Variants in ACTR3C observed in about 807,000 individuals in gnomAD.
The protein encoded by ACTR3C is actin related protein 3C, also known as actin-related protein 3C.
ACTR3C carries 18 observed loss-of-function variants against 26.3 expected under a neutral mutation model. The observed-to-expected ratio is 0.68, with a 90% CI of 0.47 to 1.01. The LOEUF (loss-of-function observed/expected upper bound fraction) is 1.01, where lower values mean the gene tolerates loss of function less well. Ranked by LOEUF, ACTR3C falls within the 50% of genes least tolerant of loss-of-function variation. The probability of loss-of-function intolerance (pLI) is 0.00; values close to 1 mark genes in which losing one functional copy is unlikely to be tolerated. For synonymous variants in ACTR3C, 55 were observed against 94.5 expected (o/e 0.58, Z 2.42); for missense variants, 184 against 250.7 (o/e 0.73, Z 1.80).
the ACTR3C span, among the ~76,000 whole-genome samples, chr7:150,024,667 G>C: frequency 7.0e-6 from 1 of 143,190 alleles, no homozygotes; most frequent in South Asian, 2.5e-4. Context: ...CCCTTGGTGT[G>C]CAATGAAAAA....
At chr7:150,157,058 A>G in the ACTR3C span, among the ~76,000 whole-genome samples, 4 of 147,162 alleles carry the variant, frequency 2.7e-5, no homozygotes. Flanking sequence ...TCTGAAATAC[A>G]AAAAACACGT....
chr7:150,037,040 G>T, the ACTR3C span, among the ~76,000 whole-genome samples: 13 of 108,398 alleles, frequency 1.2e-4, no homozygotes, highest in African/African-American at 3.6e-4. Context: ...CGGAAGAGGG[G>T]ATAGCTCTCA....
intron 7 of ACTR3C, chr7:150,248,525 G>A (rs1294532806): frequency 1.3e-5 from 2 of 152,394 alleles, no homozygotes; most frequent in Non-Finnish European, 2.9e-5. Context: ...GCTGGGTGTG[G>A]TGGCGCATGT....
chr7:149,929,603 C>T, the ACTR3C span, among the ~76,000 whole-genome samples: 2 of 147,828 alleles, frequency 1.4e-5, no homozygotes, highest in Non-Finnish European at 3.0e-5. Context: ...CCGATCTCGG[C>T]TCACTGCAAC....
chr7:149,902,927 C>T, the ACTR3C span, among the ~76,000 whole-genome samples: 19,691 of 30,312 alleles, frequency 0.65, 7,377 homozygotes, highest in East Asian at 0.91. Context: ...CCTTAAAGTA[C>T]AGTGTCTCAA....
the ACTR3C span, among the ~76,000 whole-genome samples, chr7:149,908,242 G>C: frequency 6.6e-6 from 1 of 152,172 alleles, no homozygotes; most frequent in South Asian, 2.1e-4. Context: ...CCAACCTCCA[G>C]ACTATGATAA....
the ACTR3C span, among the ~76,000 whole-genome samples, chr7:150,038,874 C>G: frequency 8.4e-6 from 1 of 118,480 alleles, no homozygotes. Flanking sequence ...TCAGTCCCTG[C>G]CTCGCGGGGG....
chr7:149,900,553 G>A, the ACTR3C span, among the ~76,000 whole-genome samples: 1 of 151,940 alleles, frequency 6.6e-6, no homozygotes, highest in Non-Finnish European at 1.5e-5. Flanking sequence ...GAAAAGAAAT[G>A]ATAAAAGAAG....
At chr7:149,940,723 G>T in the ACTR3C span, among the ~76,000 whole-genome samples, 1 of 136,208 alleles carries the variant, frequency 7.3e-6, no homozygotes, top group African/African-American at 2.6e-5. Context: ...ACTCTCCTAG[G>T]ATTGGTGCCT....
chr7:150,227,317 A>G, the ACTR3C span, among the ~76,000 whole-genome samples: 1 of 151,164 alleles, frequency 6.6e-6, no homozygotes, highest in Non-Finnish European at 1.5e-5. Context: ...TTTTAGCCCC[A>G]GTAACTACCT....
chr7:150,251,329 G>A (rs1832839014), intron 6 of ACTR3C, among the ~76,000 whole-genome samples: 1 of 152,092 alleles, frequency 6.6e-6, no homozygotes. Context: ...AACTTATGAT[G>A]TCTTTAAAAC....
the ACTR3C span, among the ~76,000 whole-genome samples, chr7:150,124,388 C>T: frequency 6.6e-6 from 1 of 152,228 alleles, no homozygotes; most frequent in Non-Finnish European, 1.5e-5. Flanking sequence ...CCATAGGAAG[C>T]TTTACTTTAA....
chr7:150,034,886 T>C, the ACTR3C span, among the ~76,000 whole-genome samples: 741 of 129,764 alleles, frequency 5.7e-3, 5 homozygotes, highest in Non-Finnish European at 7.7e-3. Flanking sequence ...TCTCAGTCCC[T>C]ACCTCGCGGG....
At chr7:150,096,812 T>G in the ACTR3C span, among the ~76,000 whole-genome samples, 1 of 151,840 alleles carries the variant, frequency 6.6e-6, no homozygotes, top group Non-Finnish European at 1.5e-5. Context: ...AGGGGGAAGT[T>G]CCAGGGCCTG....
chr7:150,127,274 T>C, the ACTR3C span, among the ~76,000 whole-genome samples: 3 of 131,452 alleles, frequency 2.3e-5, no homozygotes, highest in African/African-American at 9.8e-5. Flanking sequence ...TAGAGATGGA[T>C]TCATGGATTG....
the ACTR3C span, among the ~76,000 whole-genome samples, chr7:150,148,205 G>A: frequency 9.3e-5 from 14 of 151,106 alleles, no homozygotes; most frequent in Non-Finnish European, 1.8e-4. Context: ...AAGGCCAGGC[G>A]CGGTGGCTCA....
chr7:150,090,413 G>T, the ACTR3C span, among the ~76,000 whole-genome samples: 3 of 152,196 alleles, frequency 2.0e-5, no homozygotes, highest in Non-Finnish European at 4.4e-5. Context: ...CAGATTTGCT[G>T]CATTCTGTTT....
chr7:149,982,654 G>C, the ACTR3C span, among the ~76,000 whole-genome samples: 4 of 152,198 alleles, frequency 2.6e-5, no homozygotes, highest in South Asian at 4.2e-4. Context: ...GATGTTTGCT[G>C]AGTGCCTGGT....
At chr7:150,198,611 C>T in the ACTR3C span, among the ~76,000 whole-genome samples, 1 of 149,794 alleles carries the variant, frequency 6.7e-6, no homozygotes, top group Non-Finnish European at 1.5e-5. Context: ...CGCCCGGCAG[C>T]CGCCCCGTCT....
Sources: allele counts gnomAD v4.1 joint callset (sites outside exome capture counted in the v4.1 genomes callset), GRCh38; gene constraint gnomAD v4.1.1; transcripts MANE v1.5; gene names NCBI Gene and HGNC (gene_info 2026-07-23, HGNC 2026-07-21).